SLC9A8: variants seen among roughly 807,000 people sequenced by gnomAD.
SLC9A8 encodes the protein sodium/hydrogen exchanger 8.
A neutral mutation model predicts 66.6 loss-of-function variants in SLC9A8; 48 were observed. The observed-to-expected ratio is 0.72, with a 90% CI of 0.57 to 0.92. SLC9A8 has a LOEUF of 0.92. Among genes scored for constraint, SLC9A8 ranks in the 40% least tolerant of loss-of-function variants. SLC9A8 has a pLI of 0.00. For missense variants in SLC9A8, 599 were observed against 747.3 expected (o/e 0.80, Z 2.31); for synonymous variants, 274 against 282.6 (o/e 0.97, Z 0.31).
rs2089972432 is a variant in SLC9A8, at chr20:49,888,547, T to C, written c.*611T>C. 1 of 154,310 alleles carries C rather than the reference T, an allele frequency of 6.5e-6. No individual in the cohort carries two copies. Among genetic ancestry groups the C allele is most frequent in the South Asian group, 2.0e-4 (1 of 4,974 alleles). 9.6% of individuals were successfully genotyped at this position (154,310 alleles called of 1,614,324 possible). On this transcript the variant is annotated 3_prime_UTR_variant, in exon 16 of 16. Coordinates refer to ENST00000361573, the MANE Select transcript of SLC9A8 (RefSeq NM_015266.3). ...GCACTTCGCAGTCTATCTCCCTGGG[T>C]AGCAGACGGCTGCTGCCCTTCTCTG...
At chr20:49,862,808 A>G (rs2088801258) in intron 8 of SLC9A8, 121 bp from the exon 9 acceptor site, 2 of 776,438 alleles carry the variant, frequency 2.6e-6, no homozygotes, top group Non-Finnish European at 3.8e-6. Flanking sequence ...GGCTGACTGA[A>G]TGAATGATGG....
intron 7 of SLC9A8, among the ~76,000 whole-genome samples, chr20:49,854,615 TG>T (rs1231457357): frequency 6.6e-6 from 1 of 152,154 alleles, no homozygotes; most frequent in East Asian, 1.9e-4. Flanking sequence ...TATCTACTGT[TG>T]GGGGTAGGAG....
In SLC9A8 at chr20:49,890,964, G is replaced by A. The variant is rs969803866; in HGVS notation, c.*3028G>A. 1.3e-5 allele frequency: 2 copies of A among 152,332 alleles called. No homozygotes were observed. The highest frequency in any genetic ancestry group is 2.9e-5 in the Non-Finnish European group (2 of 68,108). 9.4% of individuals were successfully genotyped at this position (152,332 alleles called of 1,614,324 possible). A position where few individuals can be genotyped will look rare whatever the true frequency, so the allele number is the denominator to read the frequency against. On this transcript the variant is annotated 3_prime_UTR_variant, in exon 16 of 16. Transcript: ENST00000361573. ...ACTGGGGACCCTTCTTAAAACCTTTGGCAAAGGTGCCATCGGCAGGGCTTG... is the reference window on the plus strand; with the variant it reads ...ACTGGGGACCCTTCTTAAAACCTTTAGCAAAGGTGCCATCGGCAGGGCTTG...
At chr20:49,860,653 A>G (rs545136055) in intron 8 of SLC9A8, among the ~76,000 whole-genome samples, 7 of 152,188 alleles carry the variant, frequency 4.6e-5, no homozygotes, top group Non-Finnish European at 1.0e-4. Flanking sequence ...CCCTGGAGAC[A>G]GAGGTTGCAG....
intron 2 of SLC9A8, among the ~76,000 whole-genome samples, chr20:49,817,893 CAAA>C (rs2086612164): frequency 6.6e-6 from 1 of 152,002 alleles, no homozygotes; most frequent in African/African-American, 2.4e-5. Context: ...TAGTCGAAGA[CAAA>C]GAAGAAAAGC....
intron 5 of SLC9A8, 151 bp downstream of exon 5, chr20:49,845,270 G>A (rs1215688612): frequency 1.6e-6 from 1 of 621,218 alleles, no homozygotes; most frequent in African/African-American, 1.8e-5. Flanking sequence ...GGACTGCAGT[G>A]CCTGACTTCT....
intron 8 of SLC9A8, among the ~76,000 whole-genome samples, 156 bp downstream of exon 8, chr20:49,855,737 A>AG (rs1329715893): frequency 2.0e-5 from 3 of 152,190 alleles, no homozygotes; most frequent in African/African-American, 7.2e-5. Flanking sequence ...TGTCCTGACA[A>AG]GCCTTGATGT....
chr20:49,822,980 T>C, intron 2 of SLC9A8, 81 bp from the exon 3 acceptor site: 1 of 1,171,594 alleles, frequency 8.5e-7, no homozygotes, highest in East Asian at 2.3e-5. Flanking sequence ...CCCCCAGAAA[T>C]AACCACTGAC....
chr20:49,849,323 A>G (rs1406377306), intron 5 of SLC9A8, among the ~76,000 whole-genome samples: 2 of 152,150 alleles, frequency 1.3e-5, no homozygotes, highest in African/African-American at 4.8e-5. Flanking sequence ...GTGGAGGGAA[A>G]GGGGCCCTGG....
chr20:49,857,767 G>A (rs2146649128), intron 8 of SLC9A8, among the ~76,000 whole-genome samples: 1 of 152,162 alleles, frequency 6.6e-6, no homozygotes, highest in Admixed American at 6.5e-5. Context: ...ATCCAGCATT[G>A]GGTAATGTGA....
In SLC9A8 at chr20:49,815,124, G is replaced by A; in HGVS notation, c.143G>A (p.Gly48Glu). 5 of 1,607,992 alleles carry A rather than the reference G, an allele frequency of 3.1e-6. No individual in the cohort carries two copies. Among genetic ancestry groups the A allele is most frequent in the Non-Finnish European group, 3.4e-6 (4 of 1,177,352 alleles). Reference protein sequence around the residue: ...PGKPILPVQTGEQAQQEEQSS... With the variant: ...PGKPILPVQTEEQAQQEEQSS... Reference sequence around the variant, plus strand: ...AAGCCCATCCTCCCCGTGCAGACAGGGGAGCAGGCCCAGCAAGAGGAGCAG... The same window carrying A: ...AAGCCCATCCTCCCCGTGCAGACAGAGGAGCAGGCCCAGCAAGAGGAGCAG... Residue 48 changes from glycine to glutamate, a missense_variant, in exon 2 of 16, where the codon GGG becomes GAG. Around this residue, in one of 2 missense-constraint regions of SLC9A8, gnomAD observed 132 missense variants for 120.9 expected, o/e 1.09. Coordinates refer to ENST00000361573, the MANE Select transcript of SLC9A8 (RefSeq NM_015266.3).
Position 49,812,966 on chromosome 20 carries a change from C to T in SLC9A8, c.26+18C>T, listed in dbSNP as rs1262752699. On this transcript the variant is annotated intron_variant, in intron 1 of 15. Transcript: ENST00000361573. The stretch of plus-strand genomic sequence containing the variant: ...GAAGAGGAGTGAGTGGGCTTTTTCC[C>T]GGGCGGCGGAGGCGGCGGGGCTGGG... The T allele has an allele frequency of 1.0e-5, 14 of 1,395,610 alleles. No homozygotes were observed. In the East Asian group the frequency reaches 3.1e-4, roughly 31 times the overall value. The allele number at this position is 1,395,610 out of a possible 1,614,324, so 86.5% of individuals were successfully genotyped here. A position where few individuals can be genotyped will look rare whatever the true frequency, so the allele number is the denominator to read the frequency against.
At chr20:49,875,264 G>A (rs1233335394) in intron 11 of SLC9A8, among the ~76,000 whole-genome samples, 3 of 148,476 alleles carry the variant, frequency 2.0e-5, no homozygotes, top group African/African-American at 7.5e-5. Flanking sequence ...GCTGCAGTGG[G>A]CTATGATCTT....
At chr20:49,825,337 C>G (rs764455103) in intron 3 of SLC9A8, among the ~76,000 whole-genome samples, 6 of 152,044 alleles carry the variant, frequency 3.9e-5, no homozygotes, top group Non-Finnish European at 8.8e-5. Context: ...GGGACAAAAC[C>G]CAATTCAAAA....
Position 49,855,523 on chromosome 20 carries a change from A to T in SLC9A8, c.655A>T (p.Asn219Tyr). 1.9e-6 allele frequency: 3 copies of T among 1,614,202 alleles called. No individual in the cohort carries two copies. Among genetic ancestry groups the T allele is most frequent in the Non-Finnish European group, 2.5e-6 (3 of 1,180,014 alleles). Reference protein sequence around the residue: ...FNALHVDPVLNMLVFGESILN... With the variant: ...FNALHVDPVLYMLVFGESILN... ...TGCACTTCATGTGGACCCCGTGCTCAACATGCTGGTCTTTGGAGAAAGTAT... is the reference window on the plus strand; with the variant it reads ...TGCACTTCATGTGGACCCCGTGCTCTACATGCTGGTCTTTGGAGAAAGTAT... The change falls in exon 8 of 16, where the codon AAC becomes TAC. Residue 219 changes from asparagine to tyrosine, a missense_variant. Asn to Tyr is a moderately radical substitution (Grantham distance 143, BLOSUM62 -2). Around this residue, in one of 2 missense-constraint regions of SLC9A8, gnomAD observed 467 missense variants for 626.5 expected, o/e 0.75. Transcript: ENST00000361573.
intron 14 of SLC9A8, chr20:49,884,274 GAC>G (rs1202309628): frequency 0.038 from 4,581 of 119,974 alleles, 639 homozygotes; most frequent in African/African-American, 0.19. Flanking sequence ...ACACACACAC[GAC>G]ACACACACAC....
intron 8 of SLC9A8, among the ~76,000 whole-genome samples, chr20:49,857,610 C>G (rs773623751): frequency 1.3e-5 from 2 of 152,074 alleles, no homozygotes; most frequent in Non-Finnish European, 2.9e-5. Context: ...CCCAGCTACT[C>G]GAGAGGCTGA....
chr20:49,849,512 A>AGGCC, intron 5 of SLC9A8, 67 bp from the exon 6 acceptor site: 3 of 1,211,226 alleles, frequency 2.5e-6, no homozygotes, highest in Non-Finnish European at 3.6e-6. Context: ...CCAGGTGTGC[A>AGGCC]GGCCGTGCCT....
intron 9 of SLC9A8, 44 bp downstream of exon 9, chr20:49,863,111 T>C (rs779403516): frequency 6.5e-7 from 1 of 1,537,400 alleles, no homozygotes; most frequent in Admixed American, 2.0e-5. Context: ...AAATTATTCC[T>C]GATAACTTCT....
Sources: allele counts gnomAD v4.1 joint callset (sites outside exome capture counted in the v4.1 genomes callset), GRCh38; gene constraint gnomAD v4.1.1; regional missense constraint gnomAD v4.1.1; transcripts MANE v1.5; gene names NCBI Gene and HGNC (gene_info 2026-07-23, HGNC 2026-07-21).